The following SKAP2 variants were observed in gnomAD, a reference collection of about 807,000 sequenced individuals.
The protein encoded by SKAP2 is src kinase associated phosphoprotein 2.
Under a neutral mutation model 54.9 loss-of-function variants are expected in SKAP2, and 28 were observed. That is an observed-to-expected ratio of 0.51 (90% confidence interval 0.38 to 0.70). The LOEUF (loss-of-function observed/expected upper bound fraction) is 0.70. Ranked by LOEUF, SKAP2 falls within the 30% of genes least tolerant of loss-of-function variation. The pLI, the probability that SKAP2 is intolerant of heterozygous loss-of-function variation, is 0.00. For synonymous variants in SKAP2, 137 were observed against 134.3 expected (o/e 1.02, Z -0.14); for missense variants, 356 against 424.1 (o/e 0.84, Z 1.41).
chr7:26,692,062 G>A (rs529146944), intron 9 of SKAP2, among the ~76,000 whole-genome samples: 4 of 152,136 alleles, frequency 2.6e-5, no homozygotes, highest in South Asian at 2.1e-4. Flanking sequence ...AAAAAGGGGC[G>A]GGAGAGAGAC....
intron 4 of SKAP2, among the ~76,000 whole-genome samples, chr7:26,801,344 G>C (rs555383920): frequency 6.6e-6 from 1 of 152,278 alleles, no homozygotes; most frequent in East Asian, 1.9e-4. Flanking sequence ...ACTGGGTATA[G>C]AAGGAACATA....
chr7:26,788,441 A>C (rs142305592), intron 4 of SKAP2, among the ~76,000 whole-genome samples: 2 of 152,182 alleles, frequency 1.3e-5, no homozygotes, highest in African/African-American at 4.8e-5. Flanking sequence ...AAAAAAAACT[A>C]GTATATAAAT....
At position 26,854,754 on chromosome 7, in the gene SKAP2, G is replaced by A. The variant is rs765053333; in HGVS notation, c.173+31C>T. On this transcript the variant is annotated intron_variant, in intron 2 of 12. Transcript: ENST00000345317. ...TAGTTACAAAACTGCTTCTATGTAA[G>A]AAATCAGTAAACAAAAGGTAAGTGA... The A allele has an allele frequency of 3.2e-6, 5 of 1,553,028 alleles. No homozygotes were observed. In the South Asian group the frequency reaches 5.9e-5, roughly 18 times the overall value.
At chr7:26,770,250 A>G (rs946233127) in intron 4 of SKAP2, among the ~76,000 whole-genome samples, 2 of 152,100 alleles carry the variant, frequency 1.3e-5, no homozygotes, top group African/African-American at 4.8e-5. Flanking sequence ...CTTTGTTTAC[A>G]CTATGAGGGG....
chr7:26,755,676 A>G (rs1248441615), intron 4 of SKAP2, among the ~76,000 whole-genome samples: 1 of 152,202 alleles, frequency 6.6e-6, no homozygotes, highest in Admixed American at 6.5e-5. Flanking sequence ...CCTAGGGCCT[A>G]GATTAGTGCC....
rs145078171 is a variant in SKAP2 at position 26,801,650 on chromosome 7, T to C, written c.307+42380A>G. On this transcript the variant is annotated intron_variant, in intron 4 of 12. Transcript: ENST00000345317. ...AAACTACTAGAACTGAGAAACAAATTCAGTAAAGCTGCAGGATACAAAATC... is the reference window on the plus strand; with the variant it reads ...AAACTACTAGAACTGAGAAACAAATCCAGTAAAGCTGCAGGATACAAAATC... 2.9e-3 allele frequency among the ~76,000 whole-genome samples: 449 copies of C among 152,224 alleles called. 4 individuals carry two copies. Among genetic ancestry groups the C allele is most frequent in the African/African-American group, 0.01 (426 of 41,536 alleles).
chr7:26,799,237 T>C (rs1783855242), intron 4 of SKAP2, among the ~76,000 whole-genome samples: 1 of 151,230 alleles, frequency 6.6e-6, no homozygotes. Context: ...TGAATGTAAA[T>C]GGATTAAACT....
At position 26,852,492 on chromosome 7, in the gene SKAP2, A is replaced by G. The variant is rs555558781; in HGVS notation, c.199+1645T>C. Among the ~76,000 whole-genome samples the G allele has an allele frequency of 6.4e-4, 97 of 152,334 alleles. 1 individual carries two copies. Among genetic ancestry groups the G allele is most frequent in the African/African-American group, 2.2e-3 (91 of 41,582 alleles). ...TTGTGATTAGTTAACTCAATACAGC[A>G]GTATTGAACTACAAATGACTTATTC... On this transcript the variant is annotated intron_variant, in intron 3 of 12. Coordinates refer to ENST00000345317, the MANE Select transcript of SKAP2 (RefSeq NM_003930.5).
intron 1 of SKAP2, chr7:26,857,310 T>TAAAAAAAACAAAAAAAAAAAA (rs1785185353): frequency 1.1e-5 from 1 of 91,018 alleles, no homozygotes; most frequent in Non-Finnish European, 1.9e-5. Flanking sequence ...CTGCTTTGCT[T>TAAAAAAAACAAAAAAAAAAAA]AAAAAAAAAA....
intron 4 of SKAP2, among the ~76,000 whole-genome samples, chr7:26,819,536 T>C (rs1211690382): frequency 6.6e-6 from 1 of 150,632 alleles, no homozygotes; most frequent in Non-Finnish European, 1.5e-5. Context: ...AAGCTGCGCA[T>C]TCTGCACATG....
At position 26,852,752 on chromosome 7, in the gene SKAP2, T is replaced by C. The variant is rs528881837; in HGVS notation, c.199+1385A>G. Among the ~76,000 whole-genome samples the C allele has an allele frequency of 2.0e-5, 3 of 152,314 alleles. No homozygotes were observed. In the South Asian group the frequency reaches 6.2e-4, roughly 32 times the overall value. ...CATATGCAATTACACAATTACTTCATATCATGCTTTTTTAGCTTAAAAATT... is the reference window on the plus strand; with the variant it reads ...CATATGCAATTACACAATTACTTCACATCATGCTTTTTTAGCTTAAAAATT... On this transcript the variant is annotated intron_variant, in intron 3 of 12. Transcript: ENST00000345317.
At position 26,690,348 on chromosome 7, in the gene SKAP2, T is replaced by C. The variant is rs1786755287; in HGVS notation, c.811A>G (p.Ser271Gly). 2.5e-6 allele frequency: 4 copies of C among 1,609,902 alleles called. No individual in the cohort carries two copies. The Admixed American group carries it at 6.7e-5, about 27-fold the overall frequency. Residue 271 changes from serine to glycine, a missense_variant, in exon 10 of 13, where the codon AGT (serine) becomes GGT (glycine). Transcript: ENST00000345317. Reference sequence around the variant, plus strand: ...TGTTCTTCCACTTTCACTGGAGCACTGTCCTCTTCTTCTTCTGTAAATAAA... The same window carrying C: ...TGTTCTTCCACTTTCACTGGAGCACCGTCCTCTTCTTCTTCTGTAAATAAA... ...YEELPEEEED[S>G]APVKVEEQRK...
intron 4 of SKAP2, among the ~76,000 whole-genome samples, chr7:26,746,382 T>C (rs1311541832): frequency 6.6e-6 from 1 of 152,206 alleles, no homozygotes; most frequent in African/African-American, 2.4e-5. Context: ...CTTATTCTAA[T>C]AGGTTTTAAG....
intron 11 of SKAP2, among the ~76,000 whole-genome samples, chr7:26,676,820 C>T (rs908829247): frequency 6.6e-6 from 1 of 152,114 alleles, no homozygotes; most frequent in African/African-American, 2.4e-5. Context: ...AGCAACTAAT[C>T]CTACAGCAGG....
intron 4 of SKAP2, among the ~76,000 whole-genome samples, chr7:26,744,755 A>AACACAC (rs944490580): frequency 8.1e-4 from 122 of 150,438 alleles, no homozygotes; most frequent in African/African-American, 3.0e-3. Context: ...CACACACACA[A>AACACAC]ACACACACAC....
rs189595777 is a variant in SKAP2, at chr7:26,736,163, T to C, written c.469+2632A>G. Among the ~76,000 whole-genome samples the C allele has an allele frequency of 5.7e-3, 870 of 152,290 alleles. 7 individuals are homozygous for C. The highest frequency in any genetic ancestry group is 0.01 in the Non-Finnish European group (714 of 68,014). Reference sequence around the variant, plus strand: ...AAGGCTTTGACCTATGGGGGCTGCATTCCCAGGAGGTTAGGCATTCTTAGT... The same window carrying C: ...AAGGCTTTGACCTATGGGGGCTGCACTCCCAGGAGGTTAGGCATTCTTAGT... On this transcript the variant is annotated intron_variant, in intron 6 of 12. Transcript: ENST00000345317.
At chr7:26,658,740 A>G in the SKAP2 span, among the ~76,000 whole-genome samples, 2 of 152,084 alleles carry the variant, frequency 1.3e-5, no homozygotes, top group African/African-American at 4.8e-5. Flanking sequence ...ACCATATTAA[A>G]TAGTCATTAG....
At chr7:26,739,084 G>A (rs753801298) in intron 5 of SKAP2, among the ~76,000 whole-genome samples, 1 of 152,156 alleles carries the variant, frequency 6.6e-6, no homozygotes, top group Non-Finnish European at 1.5e-5. Context: ...ATACTTATGG[G>A]ATCAACAGCA....
intron 3 of SKAP2, among the ~76,000 whole-genome samples, chr7:26,846,252 T>C (rs912935221): frequency 1.3e-5 from 2 of 152,124 alleles, no homozygotes; most frequent in African/African-American, 2.4e-5. Flanking sequence ...TTTGCTATTA[T>C]AACTATTTAA....
Sources: gnomAD v4.1 joint callset for allele counts (sites outside exome capture counted in the v4.1 genomes callset) on GRCh38, gnomAD v4.1.1 for gene constraint, MANE v1.5 for transcripts, NCBI Gene and HGNC (gene_info 2026-07-23, HGNC 2026-07-21) for gene names.